Variants in FNBP1L observed in about 807,000 individuals in gnomAD.
The protein encoded by FNBP1L is formin binding protein 1 like.
In FNBP1L, 36 loss-of-function variants were observed where a neutral mutation model predicts 91.2. The ratio of observed to expected loss-of-function variants is 0.39; its 90% confidence interval spans 0.30 to 0.52. The LOEUF is 0.52. FNBP1L is among the 20% of genes least tolerant of loss of function. The probability of loss-of-function intolerance (pLI) is 0.66; values close to 1 mark genes in which losing one functional copy is unlikely to be tolerated. For missense variants in FNBP1L, 571 were observed against 732.1 expected (o/e 0.78, Z 2.54); for synonymous variants, 242 against 237.0 (o/e 1.02, Z -0.19).
chr1:93,551,617 A>G (rs1445753623), intron 16 of FNBP1L: 96 of 984,356 alleles, frequency 9.8e-5, no homozygotes, highest in Non-Finnish European at 1.1e-4. Context: ...AATTTAGTAA[A>G]ATAATAACAT....
chr1:93,450,380 A>G (rs1025913536), intron 1 of FNBP1L, among the ~76,000 whole-genome samples: 2 of 152,220 alleles, frequency 1.3e-5, no homozygotes, highest in Non-Finnish European at 2.9e-5. Flanking sequence ...AACATTTAAT[A>G]CATCTCCATA....
At chr1:93,533,174 C>T in intron 8 of FNBP1L, 106 bp downstream of exon 8, 1 of 890,118 alleles carries the variant, frequency 1.1e-6, no homozygotes, top group Non-Finnish European at 1.6e-6. Context: ...ATGTGTGGTT[C>T]TAAATTATAT....
intron 11 of FNBP1L, among the ~76,000 whole-genome samples, chr1:93,542,875 C>T (rs747410840): frequency 4.7e-4 from 71 of 150,682 alleles, no homozygotes; most frequent in Non-Finnish European, 2.9e-4. Context: ...CCTCTGCCTT[C>T]CGGGTTCAAG....
chr1:93,534,296 A>G (rs1035658348), intron 8 of FNBP1L, among the ~76,000 whole-genome samples: 1 of 152,074 alleles, frequency 6.6e-6, no homozygotes, highest in African/African-American at 2.4e-5. Context: ...TCCAAAGATT[A>G]GCTTCTTTGT....
chr1:93,484,242 T>G (rs1009395665), intron 1 of FNBP1L, among the ~76,000 whole-genome samples: 5 of 152,188 alleles, frequency 3.3e-5, no homozygotes. Flanking sequence ...AATAGTTTCA[T>G]CTTGAGGCTT....
intron 1 of FNBP1L, 60 bp downstream of exon 1, chr1:93,448,365 C>T: frequency 2.8e-6 from 4 of 1,454,232 alleles, no homozygotes; most frequent in Admixed American, 6.3e-5. Context: ...GCGGGTTGGG[C>T]GGGCGCCGCG....
intron 3 of FNBP1L, among the ~76,000 whole-genome samples, chr1:93,523,008 TA>T (rs1671380294): frequency 1.3e-5 from 2 of 152,138 alleles, no homozygotes; most frequent in South Asian, 4.1e-4. Context: ...CTACCAAGCC[TA>T]GGAATCCAAC....
chr1:93,463,368 A>G (rs1441682009), intron 1 of FNBP1L, among the ~76,000 whole-genome samples: 1 of 152,196 alleles, frequency 6.6e-6, no homozygotes, highest in Non-Finnish European at 1.5e-5. Flanking sequence ...TTAGCTTAAC[A>G]AAAAATACAT....
rs1426316 is a variant in FNBP1L at position 93,499,572 on chromosome 1, G to A, written c.129G>A (p.Ala43=). Reference sequence around the variant, plus strand: ...GGATAGAAATTGAACAGAACTATGCGAAACAATTGAGGTAAGTTAATTTTT... The same window carrying A: ...GGATAGAAATTGAACAGAACTATGCAAAACAATTGAGGTAAGTTAATTTTT... ...KERIEIEQNY[A]KQLRNLVKKY... Residue 43 remains alanine (A), a synonymous_variant, in exon 2 of 17, where the codon GCG becomes GCA. Transcript: ENST00000271234. The A allele has an allele frequency of 5.1e-3, 7,898 of 1,563,648 alleles. 342 individuals carry two copies. In the African/African-American group the frequency reaches 0.095, roughly 19 times the overall value.
intron 11 of FNBP1L, 138 bp downstream of exon 11, chr1:93,541,194 TC>T: frequency 1.3e-6 from 1 of 761,094 alleles, no homozygotes; most frequent in South Asian, 1.7e-5. Flanking sequence ...AGTTTCATAG[TC>T]CAGCATATGC....
intron 2 of FNBP1L, among the ~76,000 whole-genome samples, chr1:93,519,881 A>G (rs913519682): frequency 1.3e-5 from 2 of 152,116 alleles, no homozygotes; most frequent in Non-Finnish European, 2.9e-5. Context: ...CTTGCCCAGG[A>G]GTTTGAGGCT....
chr1:93,535,935 T>C (rs141685435), intron 9 of FNBP1L, among the ~76,000 whole-genome samples: 112 of 152,202 alleles, frequency 7.4e-4, no homozygotes, highest in African/African-American at 2.6e-3. Context: ...GTTTTAATAT[T>C]TTATGTGCGA....
At chr1:93,521,983 C>A in intron 2 of FNBP1L, 99 bp from the exon 3 acceptor site, 1 of 605,628 alleles carries the variant, frequency 1.7e-6, no homozygotes. Flanking sequence ...TGTTTTATAT[C>A]ATAAAATTCA....
chr1:93,522,469 T>C (rs1671361800), intron 3 of FNBP1L, among the ~76,000 whole-genome samples: 1 of 152,128 alleles, frequency 6.6e-6, no homozygotes, highest in South Asian at 2.1e-4. Flanking sequence ...GCTTTTACTC[T>C]TATAGATAGT....
chr1:93,478,486 C>G (rs1407498978), intron 1 of FNBP1L, among the ~76,000 whole-genome samples: 1 of 152,084 alleles, frequency 6.6e-6, no homozygotes, highest in Admixed American at 6.6e-5. Flanking sequence ...AGGAGGGCAG[C>G]CAGCCTCAGG....
intron 12 of FNBP1L, 70 bp downstream of exon 12, chr1:93,544,286 G>T: frequency 9.8e-7 from 1 of 1,016,612 alleles, no homozygotes; most frequent in Non-Finnish European, 1.4e-6. Context: ...CCTTAAATGT[G>T]ATATACAGAA....
At chr1:93,544,301 T>A in intron 12 of FNBP1L, 85 bp downstream of exon 12, 1 of 784,928 alleles carries the variant, frequency 1.3e-6, no homozygotes, top group Non-Finnish European at 1.9e-6. Context: ...ACAGAAGGTT[T>A]AAAAATCATA....
chr1:93,523,776 A>T (rs1326163234), intron 4 of FNBP1L, among the ~76,000 whole-genome samples: 1 of 152,226 alleles, frequency 6.6e-6, no homozygotes, highest in African/African-American at 2.4e-5. Flanking sequence ...TTGAAAAAAG[A>T]ATAATATTTC....
intron 2 of FNBP1L, among the ~76,000 whole-genome samples, chr1:93,502,480 A>G (rs890630279): frequency 3.9e-5 from 6 of 152,204 alleles, no homozygotes; most frequent in African/African-American, 1.4e-4. Context: ...TGAGATGGCC[A>G]GGGTTTTGCT....
Sources: gnomAD v4.1 joint callset for allele counts (sites outside exome capture counted in the v4.1 genomes callset) on GRCh38, gnomAD v4.1.1 for gene constraint, MANE v1.5 for transcripts, NCBI Gene and HGNC (gene_info 2026-07-23, HGNC 2026-07-21) for gene names.